Variants in DCHS2 observed in about 807,000 individuals in gnomAD.
DCHS2 encodes dachsous cadherin-related 2.
DCHS2 carries 142 observed loss-of-function variants against 182.4 expected under a neutral mutation model. The observed-to-expected ratio is 0.78, with a 90% CI of 0.68 to 0.89. DCHS2 has a LOEUF of 0.89. Ranked by LOEUF, DCHS2 falls within the 40% of genes least tolerant of loss-of-function variation. DCHS2 has a pLI of 0.00. For synonymous variants in DCHS2, 1,740 were observed against 1,663.3 expected, an observed-to-expected ratio of 1.05 and a Z score of -1.12; for missense variants, 4,319 against 4,198.6, an observed-to-expected ratio of 1.03 and a Z score of -0.79.
intron 2 of DCHS2, among the ~76,000 whole-genome samples, chr4:154,367,919 T>TGCTCTGA (rs71600320): frequency 0.34 from 51,023 of 151,322 alleles, 10,338 homozygotes; most frequent in Non-Finnish European, 0.45. Flanking sequence ...ACGGCTGTCC[T>TGCTCTGA]GCTCTGAGCT....
intron 16 of DCHS2, among the ~76,000 whole-genome samples, chr4:154,252,145 A>C (rs1732396586): frequency 6.6e-6 from 1 of 152,170 alleles, no homozygotes; most frequent in African/African-American, 2.4e-5. Flanking sequence ...AAATTGAAGA[A>C]TATAATAGGA....
chr4:154,279,896 T>G (rs909787191), intron 13 of DCHS2, among the ~76,000 whole-genome samples: 1 of 151,740 alleles, frequency 6.6e-6, no homozygotes, highest in Non-Finnish European at 1.5e-5. Flanking sequence ...ATAAATGACA[T>G]TATAGAAAAA....
intron 2 of DCHS2, among the ~76,000 whole-genome samples, chr4:154,371,188 G>A (rs1730627413): frequency 6.6e-6 from 1 of 151,700 alleles, no homozygotes; most frequent in East Asian, 1.9e-4. Context: ...TGATAAGGAG[G>A]TTTAAGTCAT....
At chr4:154,276,224 T>A (rs1231627924) in intron 13 of DCHS2, among the ~76,000 whole-genome samples, 5 of 152,134 alleles carry the variant, frequency 3.3e-5, no homozygotes, top group Non-Finnish European at 7.4e-5. Context: ...CTCGAATGAG[T>A]TAAGTGAAAC....
chr4:154,470,331 T>C (rs893064331), intron 1 of DCHS2, among the ~76,000 whole-genome samples: 1 of 151,828 alleles, frequency 6.6e-6, no homozygotes, highest in Admixed American at 6.6e-5. Flanking sequence ...AAAAATAAAA[T>C]AAAATAATTA....
chr4:154,361,226 CCT>C (rs1654285390), intron 3 of DCHS2, among the ~76,000 whole-genome samples: 1 of 152,110 alleles, frequency 6.6e-6, no homozygotes, highest in Non-Finnish European at 1.5e-5. Context: ...TTGAAACCTG[CCT>C]GTTGCCTTAA....
intron 10 of DCHS2, among the ~76,000 whole-genome samples, chr4:154,310,963 C>G (rs1339446406): frequency 6.6e-6 from 1 of 152,174 alleles, no homozygotes; most frequent in Non-Finnish European, 1.5e-5. Context: ...TTAACTATGG[C>G]TGCTGTCTTG....
intron 3 of DCHS2, among the ~76,000 whole-genome samples, chr4:154,359,177 A>G (rs1730006502): frequency 6.6e-6 from 1 of 151,960 alleles, no homozygotes; most frequent in African/African-American, 2.4e-5. Flanking sequence ...GTTATTTTCT[A>G]TTTTAATGAC....
At chr4:154,313,446 A>C (rs1735743307) in intron 10 of DCHS2, among the ~76,000 whole-genome samples, 1 of 152,148 alleles carries the variant, frequency 6.6e-6, no homozygotes, top group Admixed American at 6.5e-5. Context: ...TGCATCGTAG[A>C]ATGCTAGAAA....
chr4:154,329,364 C>A (rs1037963743), intron 6 of DCHS2, among the ~76,000 whole-genome samples, 159 bp downstream of exon 6: 1 of 152,136 alleles, frequency 6.6e-6, no homozygotes, highest in African/African-American at 2.4e-5. Flanking sequence ...TAAAAATTTT[C>A]TTTTAAAATA....
At chr4:154,247,685 C>T (rs2111125996) in intron 16 of DCHS2, among the ~76,000 whole-genome samples, 1 of 144,978 alleles carries the variant, frequency 6.9e-6, no homozygotes, top group East Asian at 2.0e-4. Flanking sequence ...ATTAGAATGG[C>T]ACTAGACTTG....
Position 154,405,273 on chromosome 4 carries a change from T to C in DCHS2, c.2053-27829A>G, listed in dbSNP as rs1414334962. On this transcript the variant is annotated intron_variant, in intron 1 of 19. Coordinates refer to ENST00000357232, the MANE Select transcript of DCHS2 (RefSeq NM_001358235.2). Reference sequence around the variant, plus strand: ...CTCAAAATAAATAAATAAATAAAAATAAAAAATAAAATTTTATCTTTATCT... The same window carrying C: ...CTCAAAATAAATAAATAAATAAAAACAAAAAATAAAATTTTATCTTTATCT... Among the ~76,000 whole-genome samples the C allele has an allele frequency of 7.9e-5, 12 of 151,786 alleles. 1 individual carries two copies. The highest frequency in any genetic ancestry group is 4.4e-5 in the Non-Finnish European group (3 of 67,952).
At chr4:154,436,323 C>A (rs1388067) in intron 1 of DCHS2, among the ~76,000 whole-genome samples, 1 of 151,920 alleles carries the variant, frequency 6.6e-6, no homozygotes, top group South Asian at 2.1e-4. Context: ...CTCTTTATAG[C>A]TTATTATCTA....
Position 154,320,939 on chromosome 4 carries a change from T to C in DCHS2, c.4460A>G (p.Asn1487Ser), listed in dbSNP as rs748711947. The change falls in exon 9 of 20, where the codon AAC (asparagine) becomes AGC (serine). Residue 1487 changes from asparagine to serine, a missense_variant. Coordinates refer to ENST00000357232, the MANE Select transcript of DCHS2 (RefSeq NM_001358235.2). ...FRVITTDHSK[N>S]LSLSSTVFLS... ...GAAGACTGTGCTACTCAGGGAAAGG[T>C]TTTTGCTATGGTCTGTAGTAATCAC... The C allele has an allele frequency of 1.2e-5, 20 of 1,613,944 alleles. No individual in the cohort carries two copies. The highest frequency in any genetic ancestry group is 1.7e-5 in the Non-Finnish European group (20 of 1,179,970).
rs372585396 is a variant in DCHS2 at position 154,332,390 on chromosome 4, A to AT, written c.3730+87dup. On this transcript the variant is annotated intron_variant, in intron 5 of 19. Transcript: ENST00000357232. ...GTTTTCTCAATCCTGATTTTGTTTA[A>AT]TTTTTTATTTTTATTTTTACTTAAA... 9.0e-5 allele frequency: 111 copies of AT among 1,237,110 alleles called. No individual in the cohort carries two copies. The African/African-American group carries it at 1.5e-3, about 17-fold the overall frequency. The allele number at this position is 1,237,110 out of a possible 1,614,324, so 76.6% of individuals were successfully genotyped here. A position where few individuals can be genotyped will look rare whatever the true frequency, so the allele number is the denominator to read the frequency against.
chr4:154,369,895 G>C (rs1359624547), intron 2 of DCHS2, among the ~76,000 whole-genome samples: 1 of 152,164 alleles, frequency 6.6e-6, no homozygotes, highest in Non-Finnish European at 1.5e-5. Flanking sequence ...GAGGCAGGAG[G>C]GTCGCCTAGG....
At chr4:154,417,682 G>A (rs1031502693) in intron 1 of DCHS2, among the ~76,000 whole-genome samples, 1 of 152,170 alleles carries the variant, frequency 6.6e-6, no homozygotes, top group African/African-American at 2.4e-5. Flanking sequence ...TTGCTAAACT[G>A]AACAATCCTA....
chr4:154,382,765 A>T (rs956068526), intron 1 of DCHS2, among the ~76,000 whole-genome samples: 2 of 152,190 alleles, frequency 1.3e-5, no homozygotes, highest in African/African-American at 4.8e-5. Flanking sequence ...ATCACTAATC[A>T]TCAGAGAAAT....
chr4:154,315,455 C>T (rs1347085454), intron 10 of DCHS2, among the ~76,000 whole-genome samples: 1 of 152,038 alleles, frequency 6.6e-6, no homozygotes, highest in East Asian at 1.9e-4. Flanking sequence ...AAATGTGATG[C>T]TTTGTCCATA....
Sources: gnomAD v4.1 joint callset for allele counts (sites outside exome capture counted in the v4.1 genomes callset) on GRCh38, gnomAD v4.1.1 for gene constraint, MANE v1.5 for transcripts, NCBI Gene and HGNC (gene_info 2026-07-23, HGNC 2026-07-21) for gene names.